DTNA: variants seen among roughly 807,000 people sequenced by gnomAD.
DTNA encodes dystrobrevin alpha.
DTNA carries 43 observed loss-of-function variants against 100.7 expected under a neutral mutation model. The ratio of observed to expected loss-of-function variants is 0.43; its 90% CI spans 0.33 to 0.55. The LOEUF (loss-of-function observed/expected upper bound fraction) is 0.55. Ranked by LOEUF, DTNA falls within the 20% of genes least tolerant of loss-of-function variation. The probability of loss-of-function intolerance (pLI) is 0.04; values close to 1 mark genes in which losing one functional copy is unlikely to be tolerated. For missense variants in DTNA, 798 were observed against 953.9 expected, an observed-to-expected ratio of 0.84 and a Z score of 2.15; for synonymous variants, 349 against 347.9, an observed-to-expected ratio of 1.00 and a Z score of -0.04.
At chr18:34,838,674 T>G (rs1260952475) in intron 12 of DTNA, 71 bp from the exon 13 acceptor site, 1 of 1,355,682 alleles carries the variant, frequency 7.4e-7, no homozygotes, top group Admixed American at 1.7e-5. Flanking sequence ...AAAAACTCAC[T>G]CCTACCTCCT....
chr18:34,502,561 A>G (rs1568547153), intron 1 of DTNA, among the ~76,000 whole-genome samples: 1 of 151,800 alleles, frequency 6.6e-6, no homozygotes, highest in Admixed American at 6.6e-5. Flanking sequence ...TTGTATTTTC[A>G]TTTTTATTTA....
intron 18 of DTNA, among the ~76,000 whole-genome samples, chr18:34,876,858 A>G (rs188137124): frequency 5.3e-4 from 81 of 152,316 alleles, no homozygotes; most frequent in South Asian, 1.2e-3. Context: ...TCTCTTAATC[A>G]TATTTTAAAG....
chr18:34,845,821 T>C (rs1278708298), intron 13 of DTNA, among the ~76,000 whole-genome samples: 1 of 152,176 alleles, frequency 6.6e-6, no homozygotes, highest in African/African-American at 2.4e-5. Flanking sequence ...AATTCTGCCT[T>C]TGCTATTAAA....
At chr18:34,861,120 G>A (rs1056230670) in intron 16 of DTNA, among the ~76,000 whole-genome samples, 2 of 152,220 alleles carry the variant, frequency 1.3e-5, no homozygotes, top group East Asian at 1.9e-4. Context: ...GAAAGTTAAT[G>A]TTGATATATG....
chr18:34,742,645 G>GATAGATAGATAATCTATTATCTATCTAC, intron 1 of DTNA, among the ~76,000 whole-genome samples: 1 of 152,012 alleles, frequency 6.6e-6, no homozygotes, highest in South Asian at 2.1e-4. Context: ...TATCTATCTA[G>GATAGATAGATAATCTATTATCTATCTAC]ATAGATAGAT....
At chr18:34,829,326 G>A (rs1385785653) in intron 10 of DTNA, 74 bp from the exon 11 acceptor site, 3 of 1,528,088 alleles carry the variant, frequency 2.0e-6, no homozygotes, top group African/African-American at 2.7e-5. Flanking sequence ...TACACTAAAT[G>A]TCTTTCCTCT....
At chr18:34,776,227 G>A (rs996594157) in intron 3 of DTNA, among the ~76,000 whole-genome samples, 25 of 152,160 alleles carry the variant, frequency 1.6e-4, no homozygotes, top group Admixed American at 5.2e-4. Context: ...TCTGGACAAG[G>A]AGCAGGATAA....
At chr18:34,569,320 G>A (rs1229889924) in intron 1 of DTNA, among the ~76,000 whole-genome samples, 1 of 152,194 alleles carries the variant, frequency 6.6e-6, no homozygotes, top group Admixed American at 6.5e-5. Context: ...AGAAGGACCT[G>A]AAGCACAGGT....
At chr18:34,866,971 C>T in intron 17 of DTNA, 1 of 1,116,840 alleles carries the variant, frequency 9.0e-7, no homozygotes, top group Non-Finnish European at 1.1e-6. Context: ...GCAGGGGGAG[C>T]AGCAAACTCA....
At chr18:34,621,257 GATTGTGTGTGTATATAT>G (rs1336037782) in intron 1 of DTNA, among the ~76,000 whole-genome samples, 3 of 149,570 alleles carry the variant, frequency 2.0e-5, no homozygotes, top group African/African-American at 7.3e-5. Flanking sequence ...TGTGAATAAT[GATTGTGTGTGTATATAT>G]ATACACACAC....
At chr18:34,663,520 A>T (rs1488851274) in intron 1 of DTNA, among the ~76,000 whole-genome samples, 1 of 152,170 alleles carries the variant, frequency 6.6e-6, no homozygotes, top group Non-Finnish European at 1.5e-5. Flanking sequence ...CTTTTGAAAT[A>T]TGTTGAGGTG....
intron 21 of DTNA, among the ~76,000 whole-genome samples, chr18:34,882,697 T>C (rs1230567257): frequency 6.6e-6 from 1 of 152,196 alleles, no homozygotes; most frequent in Non-Finnish European, 1.5e-5. Context: ...TGTATTCTTT[T>C]AAATTCTGCC....
At position 34,882,093 on chromosome 18, in the gene DTNA, T is replaced by C; in HGVS notation, c.2187T>C (p.Tyr729=). The change falls in exon 21 of 23, where the codon TAT becomes TAC. Residue 729 remains tyrosine (Y), a synonymous_variant. Coordinates refer to ENST00000444659, the MANE Select transcript of DTNA (RefSeq NM_001386795.1). ...GDMVTEDADP[Y]VQPEDENYEN... ...GGGTTACGGAGGATGCAGATCCCTA[T>C]GTGCAGCCTGAAGATGAAAACTATG... The C allele has an allele frequency of 6.2e-7, 1 of 1,614,122 alleles. No homozygotes were observed. The highest frequency in any genetic ancestry group is 8.5e-7 in the Non-Finnish European group (1 of 1,179,986).
chr18:34,649,959 T>C (rs973046713), intron 1 of DTNA, among the ~76,000 whole-genome samples: 2 of 152,096 alleles, frequency 1.3e-5, no homozygotes, highest in African/African-American at 4.8e-5. Flanking sequence ...AAAAATGACA[T>C]GTGTTTGCCT....
At position 34,858,355 on chromosome 18, in the gene DTNA, G is replaced by T. The variant is rs746736894; in HGVS notation, c.1603G>T (p.Ala535Ser). 2.5e-6 allele frequency: 4 copies of T among 1,614,030 alleles called. No homozygotes were observed. The highest frequency in any genetic ancestry group is 3.4e-6 in the Non-Finnish European group (4 of 1,180,036). ...AGCTTCTCAGCCCACGCCAGAGAAG[G>T]CACAGCAAAACCCCACCCTGCTGGC... is the stretch of plus-strand genomic sequence containing the variant. ...EQASQPTPEK[A>S]QQNPTLLAEL... Residue 535 changes from alanine (A) to serine (S), a missense_variant, in exon 16 of 23, where the codon GCA becomes TCA. Ala to Ser is a moderately conservative substitution (Grantham distance 99). Transcript: ENST00000444659.
intron 3 of DTNA, among the ~76,000 whole-genome samples, chr18:34,789,407 G>A (rs1331628221): frequency 6.6e-6 from 1 of 152,192 alleles, no homozygotes; most frequent in Non-Finnish European, 1.5e-5. Context: ...AGCATAAAGA[G>A]CCAAATCCTT....
chr18:34,771,275 G>A (rs559453054), intron 3 of DTNA, among the ~76,000 whole-genome samples: 7 of 151,996 alleles, frequency 4.6e-5, no homozygotes, highest in South Asian at 4.2e-4. Context: ...CGAGGCGGGC[G>A]GATCACAAGG....
chr18:34,734,586 A>T lies in DTNA; in HGVS notation c.-1-21390A>T, dbSNP rs547454782. Among the ~76,000 whole-genome samples, 145 of 152,284 alleles carry T rather than the reference A, an allele frequency of 9.5e-4. 1 individual carries two copies. Among genetic ancestry groups the T allele is most frequent in the African/African-American group, 2.8e-3 (115 of 41,570 alleles). On this transcript the variant is annotated intron_variant, in intron 1 of 22. Coordinates refer to ENST00000444659, the MANE Select transcript of DTNA (RefSeq NM_001386795.1). ...TTTCTCTACAGGAGATAAGACTCTCATTCAGGGCAATCTTAGCAGATTTGA... is the reference window on the plus strand; with the variant it reads ...TTTCTCTACAGGAGATAAGACTCTCTTTCAGGGCAATCTTAGCAGATTTGA...
chr18:34,615,659 TGTAATAAGCATA>T (rs975599224), intron 1 of DTNA, among the ~76,000 whole-genome samples: 8 of 152,340 alleles, frequency 5.3e-5, no homozygotes, highest in South Asian at 2.1e-4. Flanking sequence ...TTATTTCATC[TGTAATAAGCATA>T]GTAATAAGCA....
Sources: allele counts gnomAD v4.1 joint callset (sites outside exome capture counted in the v4.1 genomes callset), GRCh38; gene constraint gnomAD v4.1.1; transcripts MANE v1.5; gene names NCBI Gene and HGNC (gene_info 2026-07-23, HGNC 2026-07-21).